CAST: variants seen among roughly 807,000 people sequenced by gnomAD.
CAST encodes the protein MIR583 host.
Under a neutral mutation model 119.6 loss-of-function variants are expected in CAST, and 76 were observed. That is an observed-to-expected ratio of 0.64 (90% CI 0.53 to 0.77). CAST has a LOEUF of 0.77. Among genes scored for constraint, CAST ranks in the 30% least tolerant of loss-of-function variants. The pLI, the probability that CAST is intolerant of heterozygous loss-of-function variation, is 0.00. For missense variants in CAST, 953 were observed against 946.5 expected, an observed-to-expected ratio of 1.01 and a Z score of -0.09; for synonymous variants, 319 against 331.6, an observed-to-expected ratio of 0.96 and a Z score of 0.41.
chr5:96,403,071 C>T, the CAST span, among the ~76,000 whole-genome samples: 2 of 152,200 alleles, frequency 1.3e-5, no homozygotes, highest in African/African-American at 2.4e-5. Flanking sequence ...AAGGAGGAAG[C>T]GTACTGAGGA....
At chr5:96,013,892 G>A in the CAST span, among the ~76,000 whole-genome samples, 60 of 152,204 alleles carry the variant, frequency 3.9e-4, no homozygotes, top group Admixed American at 5.9e-4. Flanking sequence ...GTGAGTGAAT[G>A]TGAAGGCCTA....
chr5:96,292,383 A>T, the CAST span, among the ~76,000 whole-genome samples: 2 of 152,166 alleles, frequency 1.3e-5, no homozygotes, highest in African/African-American at 4.8e-5. Flanking sequence ...AATTGTTTTA[A>T]ACCTTTCACA....
chr5:96,751,211 G>GT (rs35451901), intron 20 of CAST, among the ~76,000 whole-genome samples: 30,613 of 151,790 alleles, frequency 0.2, 3,143 homozygotes, highest in East Asian at 0.28. Context: ...TGATTTTAGT[G>GT]TTTTTTTTCC....
chr5:96,016,146 C>G, the CAST span, among the ~76,000 whole-genome samples: 2 of 152,224 alleles, frequency 1.3e-5, no homozygotes, highest in African/African-American at 4.8e-5. Flanking sequence ...TCAGCCTGCC[C>G]TTCATGATGG....
chr5:96,680,247 C>T (rs1458267743), intron 2 of CAST, among the ~76,000 whole-genome samples: 4 of 146,746 alleles, frequency 2.7e-5, no homozygotes, highest in Middle Eastern at 3.6e-3. Context: ...CCCAGCTATT[C>T]GGGAGGCTGA....
the CAST span, among the ~76,000 whole-genome samples, chr5:96,273,183 G>A: frequency 6.6e-6 from 1 of 152,192 alleles, no homozygotes; most frequent in Admixed American, 6.5e-5. Flanking sequence ...TGATAAACTT[G>A]ATGTAAATAA....
intron 3 of CAST, among the ~76,000 whole-genome samples, chr5:96,709,568 C>T (rs540362663): frequency 6.6e-6 from 1 of 152,230 alleles, no homozygotes; most frequent in African/African-American, 2.4e-5. Flanking sequence ...TTTTGTTAGA[C>T]CTGAACAATG....
the CAST span, among the ~76,000 whole-genome samples, chr5:96,070,344 G>C: frequency 1.3e-5 from 2 of 152,052 alleles, no homozygotes; most frequent in African/African-American, 4.8e-5. Flanking sequence ...CAAGGACAAG[G>C]GCCCATATTA....
the CAST span, among the ~76,000 whole-genome samples, chr5:96,497,378 T>A: frequency 6.6e-6 from 1 of 152,186 alleles, no homozygotes. Context: ...ATATACCCAG[T>A]AATGGGATTG....
intron 22 of CAST, among the ~76,000 whole-genome samples, chr5:96,757,120 C>T (rs760469283): frequency 3.3e-5 from 5 of 152,176 alleles, no homozygotes; most frequent in Non-Finnish European, 7.4e-5. Context: ...CCTGCAAACC[C>T]CAGTCACAGC....
the CAST span, among the ~76,000 whole-genome samples, chr5:96,384,014 AC>A: frequency 6.6e-6 from 1 of 152,028 alleles, no homozygotes; most frequent in Non-Finnish European, 1.5e-5. Context: ...AGCTCATGGA[AC>A]TGGAGAGCTC....
the CAST span, among the ~76,000 whole-genome samples, chr5:96,246,520 T>C: frequency 6.6e-6 from 1 of 152,182 alleles, no homozygotes; most frequent in African/African-American, 2.4e-5. Context: ...TCAGCTAGAA[T>C]TGTGAACGAG....
At chr5:96,151,074 G>C in the CAST span, among the ~76,000 whole-genome samples, 1 of 152,166 alleles carries the variant, frequency 6.6e-6, no homozygotes, top group African/African-American at 2.4e-5. Flanking sequence ...TGTGAGAGGG[G>C]AGGAATCATT....
At chr5:96,576,656 AT>A (rs916913576) in intron 1 of CAST, among the ~76,000 whole-genome samples, 37 of 151,032 alleles carry the variant, frequency 2.4e-4, no homozygotes, top group East Asian at 7.8e-4. Context: ...ATATCTAAAG[AT>A]TTTTTTTCAT....
chr5:96,141,748 G>C, the CAST span, among the ~76,000 whole-genome samples: 1 of 152,312 alleles, frequency 6.6e-6, no homozygotes, highest in African/African-American at 2.4e-5. Flanking sequence ...ATAAACTTGA[G>C]TTGTTTATGG....
At chr5:96,280,012 T>C in the CAST span, among the ~76,000 whole-genome samples, 1 of 152,220 alleles carries the variant, frequency 6.6e-6, no homozygotes, top group Non-Finnish European at 1.5e-5. Context: ...GGTAGAGGCA[T>C]GTTTATTTGT....
the CAST span, among the ~76,000 whole-genome samples, chr5:96,467,506 G>A: frequency 6.6e-6 from 1 of 151,928 alleles, no homozygotes; most frequent in South Asian, 2.1e-4. Flanking sequence ...TCCTTCTTAT[G>A]TAGGGATCTA....
chr5:96,196,701 A>C, the CAST span, among the ~76,000 whole-genome samples: 1 of 152,192 alleles, frequency 6.6e-6, no homozygotes, highest in African/African-American at 2.4e-5. Context: ...ATACAAGATG[A>C]GGTCAAAAAG....
the CAST span, among the ~76,000 whole-genome samples, chr5:96,078,271 A>T: frequency 6.6e-6 from 1 of 152,104 alleles, no homozygotes; most frequent in Non-Finnish European, 1.5e-5. Flanking sequence ...AGACACAAAC[A>T]TTTAGTTCTT....
Sources: allele counts gnomAD v4.1 joint callset (sites outside exome capture counted in the v4.1 genomes callset), GRCh38; gene constraint gnomAD v4.1.1; transcripts MANE v1.5; gene names NCBI Gene and HGNC (gene_info 2026-07-23, HGNC 2026-07-21).